XKR9: variants seen among roughly 807,000 people sequenced by gnomAD.
XKR9 encodes XK-related protein 9.
A neutral mutation model predicts 32.0 loss-of-function variants in XKR9; 32 were observed. The observed-to-expected ratio is 1.00, with a 90% confidence interval of 0.76 to 1.34. The LOEUF is 1.34. Ranked by LOEUF, XKR9 falls within the 40% of genes most tolerant of loss-of-function variation. The probability of loss-of-function intolerance (pLI) is 0.00; values close to 1 mark genes in which losing one functional copy is unlikely to be tolerated. For synonymous variants in XKR9, 168 were observed against 143.4 expected (o/e 1.17, Z -1.22); for missense variants, 546 against 429.7 (o/e 1.27, Z -2.39).
chr8:70,699,815 A>G (rs1221694211), intron 3 of XKR9, among the ~76,000 whole-genome samples: 1 of 152,158 alleles, frequency 6.6e-6, no homozygotes, highest in Non-Finnish European at 1.5e-5. Flanking sequence ...CACTTTCAGG[A>G]ACACCAATCA....
At chr8:70,890,714 G>A in the XKR9 span, among the ~76,000 whole-genome samples, 2 of 151,854 alleles carry the variant, frequency 1.3e-5, no homozygotes, top group Admixed American at 1.3e-4. Flanking sequence ...CTAGTATTTT[G>A]CTGAGGATTT....
the XKR9 span, among the ~76,000 whole-genome samples, chr8:70,810,353 C>T: frequency 6.6e-6 from 1 of 152,134 alleles, no homozygotes; most frequent in East Asian, 1.9e-4. Flanking sequence ...AATGTAAAGA[C>T]CATCGAGGCT....
At chr8:70,871,599 T>C in the XKR9 span, among the ~76,000 whole-genome samples, 1 of 152,170 alleles carries the variant, frequency 6.6e-6, no homozygotes, top group Non-Finnish European at 1.5e-5. Flanking sequence ...TTAATAGATA[T>C]GTGTTGTGTG....
At chr8:70,677,824 C>T (rs1818932587) in intron 2 of XKR9, among the ~76,000 whole-genome samples, 2 of 152,184 alleles carry the variant, frequency 1.3e-5, no homozygotes, top group Admixed American at 1.3e-4. Flanking sequence ...CAAAAAACTT[C>T]ACTTTTAGTA....
chr8:70,818,464 G>A, the XKR9 span, among the ~76,000 whole-genome samples: 113 of 151,978 alleles, frequency 7.4e-4, no homozygotes, highest in African/African-American at 2.4e-3. Context: ...TAGATATTAC[G>A]ACTTTTATTT....
chr8:70,809,764 A>G, the XKR9 span, among the ~76,000 whole-genome samples: 1 of 152,178 alleles, frequency 6.6e-6, no homozygotes. Context: ...AAAAGAAACA[A>G]AGCCTCCAAG....
the XKR9 span, among the ~76,000 whole-genome samples, chr8:70,839,034 AG>A: frequency 2.6e-5 from 4 of 152,072 alleles, no homozygotes; most frequent in Non-Finnish European, 5.9e-5. Context: ...TTATGAGGTA[AG>A]ATAGTATAAA....
chr8:70,942,658 A>G, the XKR9 span, among the ~76,000 whole-genome samples: 1 of 152,274 alleles, frequency 6.6e-6, no homozygotes, highest in South Asian at 2.1e-4. Context: ...TTTATTGACC[A>G]TGTAACCTGA....
At chr8:70,882,963 T>G in the XKR9 span, among the ~76,000 whole-genome samples, 2 of 149,650 alleles carry the variant, frequency 1.3e-5, no homozygotes, top group South Asian at 4.2e-4. Flanking sequence ...CCATTGATCT[T>G]TTATTTCTTC....
chr8:70,833,706 G>A, the XKR9 span, among the ~76,000 whole-genome samples: 1 of 152,068 alleles, frequency 6.6e-6, no homozygotes, highest in African/African-American at 2.4e-5. Flanking sequence ...CTGGGTCCTG[G>A]CATCTATATT....
the XKR9 span, among the ~76,000 whole-genome samples, chr8:70,938,361 T>A: frequency 6.6e-6 from 1 of 151,778 alleles, no homozygotes; most frequent in Non-Finnish European, 1.5e-5. Flanking sequence ...TGGAATAGGG[T>A]GTAGAAGATG....
chr8:71,062,196 C>T, the XKR9 span, among the ~76,000 whole-genome samples: 1 of 152,076 alleles, frequency 6.6e-6, no homozygotes. Context: ...ATGTAGCCAT[C>T]GTGAAGAACA....
At chr8:70,905,667 G>T in the XKR9 span, among the ~76,000 whole-genome samples, 1 of 152,146 alleles carries the variant, frequency 6.6e-6, no homozygotes, top group Non-Finnish European at 1.5e-5. Flanking sequence ...TCTGCTGCTG[G>T]CAAGGAGCTG....
At chr8:70,993,261 T>C in the XKR9 span, among the ~76,000 whole-genome samples, 7 of 152,210 alleles carry the variant, frequency 4.6e-5, no homozygotes, top group Admixed American at 1.3e-4. Flanking sequence ...CACTTTTTAA[T>C]GAGCTTCTGA....
chr8:70,985,048 G>C, the XKR9 span, among the ~76,000 whole-genome samples: 1 of 152,118 alleles, frequency 6.6e-6, no homozygotes, highest in Non-Finnish European at 1.5e-5. Flanking sequence ...GTTATTTATA[G>C]TTAGTTATAG....
At chr8:70,766,970 T>A (rs1386307681) in intron 2 of XKR9, among the ~76,000 whole-genome samples, 1 of 152,252 alleles carries the variant, frequency 6.6e-6, no homozygotes, top group Non-Finnish European at 1.5e-5. Context: ...GTGGATAAGC[T>A]TTTTGATGTG....
the XKR9 span, among the ~76,000 whole-genome samples, chr8:70,989,365 G>A: frequency 6.6e-6 from 1 of 152,148 alleles, no homozygotes; most frequent in African/African-American, 2.4e-5. Context: ...TAAATGATAA[G>A]GAATGTATTT....
At chr8:70,987,176 C>T in the XKR9 span, among the ~76,000 whole-genome samples, 4 of 152,150 alleles carry the variant, frequency 2.6e-5, no homozygotes, top group Admixed American at 6.5e-5. Flanking sequence ...CATTCAGCCC[C>T]TGGACCCTGC....
chr8:70,809,661 A>G, the XKR9 span, among the ~76,000 whole-genome samples: 3 of 152,260 alleles, frequency 2.0e-5, no homozygotes, highest in Non-Finnish European at 4.4e-5. Context: ...AAGCCTCAGT[A>G]GCTGATTCGA....
Sources: allele counts gnomAD v4.1 joint callset (sites outside exome capture counted in the v4.1 genomes callset), GRCh38; gene constraint gnomAD v4.1.1; transcripts MANE v1.5; gene names NCBI Gene and HGNC (gene_info 2026-07-23, HGNC 2026-07-21).